The following PAXIP1 variants were observed in gnomAD, a reference collection of about 807,000 sequenced individuals.
The protein encoded by PAXIP1 is PAX-interacting protein 1.
A neutral mutation model predicts 140.6 loss-of-function variants in PAXIP1; 19 were observed. The ratio of observed to expected loss-of-function variants is 0.14; its 90% confidence interval spans 0.09 to 0.20. The LOEUF is 0.20. Among genes scored for constraint, PAXIP1 ranks in the 10% least tolerant of loss-of-function variants. PAXIP1 has a pLI of 1.00. For synonymous variants in PAXIP1, 442 were observed against 444.6 expected, an observed-to-expected ratio of 0.99 and a Z score of 0.07; for missense variants, 920 against 1,208.6, an observed-to-expected ratio of 0.76 and a Z score of 3.54.
intron 9 of PAXIP1, 158 bp from the exon 10 acceptor site, chr7:154,962,616 G>A (rs373943393): frequency 1.8e-6 from 1 of 568,140 alleles, no homozygotes; most frequent in Non-Finnish European, 3.0e-6. Context: ...AATTAAAACC[G>A]TGTAGCTGGT....
chr7:155,002,838 G>A lies in PAXIP1; in HGVS notation c.81+11C>T. On this transcript the variant is annotated intron_variant, in intron 1 of 20. Coordinates refer to ENST00000404141, the MANE Select transcript of PAXIP1 (RefSeq NM_007349.4). ...CGGGGGAGGAGGCCGCGGCAGGGGC[G>A]GGCGCGGTACCTGCGGGTCGATGTC... 7.4e-7 allele frequency: 1 copy of A among 1,359,550 alleles called. No individual in the cohort carries two copies. Among genetic ancestry groups the A allele is most frequent in the Non-Finnish European group, 9.7e-7 (1 of 1,031,894 alleles). 84.2% of individuals were successfully genotyped at this position (1,359,550 alleles called of 1,614,324 possible). A position where few individuals can be genotyped will look rare whatever the true frequency, so the allele number is the denominator to read the frequency against.
intron 2 of PAXIP1, among the ~76,000 whole-genome samples, chr7:154,998,095 G>A (rs1810722585): frequency 1.3e-5 from 2 of 152,168 alleles, no homozygotes; most frequent in African/African-American, 4.8e-5. Flanking sequence ...GATGGCCTAG[G>A]ATTACTTACG....
At chr7:154,996,776 A>G (rs746817592) in intron 2 of PAXIP1, among the ~76,000 whole-genome samples, 8 of 152,168 alleles carry the variant, frequency 5.3e-5, no homozygotes, top group Non-Finnish European at 8.8e-5. Context: ...CATATTTTAA[A>G]GGTTGGCTTA....
intron 2 of PAXIP1, among the ~76,000 whole-genome samples, chr7:154,994,386 A>G (rs1810480173): frequency 1.3e-5 from 2 of 152,158 alleles, no homozygotes; most frequent in South Asian, 4.1e-4. Flanking sequence ...GAAAATTACT[A>G]TCAAAATGTA....
intron 5 of PAXIP1, among the ~76,000 whole-genome samples, chr7:154,977,971 A>G (rs1356670416): frequency 1.4e-5 from 2 of 138,868 alleles, no homozygotes; most frequent in African/African-American, 5.3e-5. Context: ...TTTAATGTAC[A>G]TTTTCGAACG....
chr7:154,959,400 A>G (rs1808659882), intron 13 of PAXIP1, among the ~76,000 whole-genome samples: 1 of 152,236 alleles, frequency 6.6e-6, no homozygotes, highest in Non-Finnish European at 1.5e-5. Context: ...CTAAACTGAA[A>G]AATTATTGAA....
rs181125850 is a variant in PAXIP1 at position 154,986,474 on chromosome 7, T to C, written c.325-3142A>G. 2.6e-5 allele frequency among the ~76,000 whole-genome samples: 4 copies of C among 152,280 alleles called. No homozygotes were observed. The highest frequency in any genetic ancestry group is 9.6e-5 in the African/African-American group (4 of 41,558). ...TATGTTTACTGAGAGAGAAATCGCA[T>C]CTTAATTAATTTGTACCCCTCTGCA... On this transcript the variant is annotated intron_variant, in intron 4 of 20. Coordinates refer to ENST00000404141, the MANE Select transcript of PAXIP1 (RefSeq NM_007349.4). This position sits in a 1 kb window ranked among gnomAD's most constrained non-coding sequence, Gnocchi z 4.8.
chr7:154,979,653 A>AT (rs1809752462), intron 5 of PAXIP1, among the ~76,000 whole-genome samples: 1 of 142,640 alleles, frequency 7.0e-6, no homozygotes, highest in African/African-American at 2.6e-5. Context: ...ATATTATGTT[A>AT]ATTATAATGT....
At position 154,947,854 on chromosome 7, in the gene PAXIP1, C is replaced by T. The variant is rs375455292; in HGVS notation, c.2922+49G>A. On this transcript the variant is annotated intron_variant, in intron 17 of 20. Transcript: ENST00000404141. ...CACCTGGTAGTTCCCTTGAGCAGGT[C>T]CGTGTGTTATGCTTACTTGGACTGA... The T allele has an allele frequency of 5.0e-4, 652 of 1,295,408 alleles. 1 individual carries two copies. The highest frequency in any genetic ancestry group is 5.9e-4 in the Non-Finnish European group (526 of 889,130). 80.2% of individuals were successfully genotyped at this position (1,295,408 alleles called of 1,614,324 possible).
At position 154,963,790 on chromosome 7, in the gene PAXIP1, G is replaced by T. The variant is rs374620665; in HGVS notation, c.1894-24C>A. 1.7e-4 allele frequency: 258 copies of T among 1,527,938 alleles called. No individual in the cohort carries two copies. Among genetic ancestry groups the T allele is most frequent in the Non-Finnish European group, 2.3e-4 (250 of 1,104,176 alleles). 94.6% of individuals were successfully genotyped at this position (1,527,938 alleles called of 1,614,324 possible). On this transcript the variant is annotated intron_variant, in intron 8 of 20. Coordinates refer to ENST00000404141, the MANE Select transcript of PAXIP1 (RefSeq NM_007349.4). The surrounding 1 kb of genome is among the most constrained non-coding windows in gnomAD (Gnocchi z 4.1). ...ATCTACACACAAAGACCCGACCAAT[G>T]CAGTCATCAATCACTCAGAATAGAG...
intron 8 of PAXIP1, among the ~76,000 whole-genome samples, chr7:154,966,723 A>G (rs1809041145): frequency 2.0e-5 from 3 of 152,168 alleles, no homozygotes; most frequent in Non-Finnish European, 4.4e-5. Flanking sequence ...TCAGCCAGCC[A>G]CACAGTCATC....
chr7:154,962,270 G>C (rs1808787634), intron 10 of PAXIP1, 51 bp downstream of exon 10: 14 of 1,598,452 alleles, frequency 8.8e-6, no homozygotes, highest in Non-Finnish European at 1.2e-5. Context: ...GTGATTATTC[G>C]CCAAAGTCGA....
At chr7:154,966,786 CACTTCACCTGCATCTAA>C (rs1031138083) in intron 8 of PAXIP1, among the ~76,000 whole-genome samples, 45 of 152,168 alleles carry the variant, frequency 3.0e-4, no homozygotes, top group Non-Finnish European at 8.8e-5. Flanking sequence ...CACAGCTGAT[CACTTCACCTGCATCTAA>C]ACTTCACCAC....
At chr7:154,987,640 C>T (rs1448401419) in intron 4 of PAXIP1, among the ~76,000 whole-genome samples, 5 of 152,332 alleles carry the variant, frequency 3.3e-5, no homozygotes, top group East Asian at 3.9e-4. Context: ...CATCTCCCCT[C>T]GCCAATCAGG....
In PAXIP1 at chr7:154,963,529, T is replaced by C. The variant is rs372565279; in HGVS notation, c.1989+142A>G. The C allele has an allele frequency of 6.5e-6, 4 of 614,992 alleles. No individual in the cohort carries two copies. The highest frequency in any genetic ancestry group is 5.5e-5 in the African/African-American group (3 of 54,186). 38.1% of individuals were successfully genotyped at this position (614,992 alleles called of 1,614,324 possible). ...CAAAAGATATCAATCCCACCAAAGATTCGATCACAGGAAGAAGGAATTTTC... is the reference window on the plus strand; with the variant it reads ...CAAAAGATATCAATCCCACCAAAGACTCGATCACAGGAAGAAGGAATTTTC... On this transcript the variant is annotated intron_variant, in intron 9 of 20. Coordinates refer to ENST00000404141, the MANE Select transcript of PAXIP1 (RefSeq NM_007349.4). The surrounding 1 kb of genome is among the most constrained non-coding windows in gnomAD (Gnocchi z 4.1).
chr7:154,946,461 T>A lies in PAXIP1; in HGVS notation c.3134-36A>T. 1.9e-6 allele frequency: 3 copies of A among 1,610,254 alleles called. No homozygotes were observed. In the Admixed American group the frequency reaches 5.0e-5, roughly 27 times the overall value. The stretch of plus-strand genomic sequence containing the variant: ...TGGAAACAGACACTTTAGTTAGAGA[T>A]CCACTGCTGTGCGTGCACACATACT... On this transcript the variant is annotated intron_variant, in intron 19 of 20. Transcript: ENST00000404141. The surrounding 1 kb of genome is among the most constrained non-coding windows in gnomAD (Gnocchi z 4.9).
intron 10 of PAXIP1, among the ~76,000 whole-genome samples, chr7:154,961,889 G>GTTAC (rs1451868436): frequency 1.1e-4 from 17 of 152,202 alleles, no homozygotes; most frequent in Admixed American, 2.6e-4. Context: ...CCTTGTTTAT[G>GTTAC]TTACTGCAAC....
intron 5 of PAXIP1, among the ~76,000 whole-genome samples, chr7:154,980,358 G>A (rs890441791): frequency 5.9e-5 from 9 of 151,432 alleles, no homozygotes; most frequent in Admixed American, 2.6e-4. Context: ...TTTCGCAGCC[G>A]CTATATTGAT....
rs1206781845 is a variant in PAXIP1 at position 154,973,841 on chromosome 7, A to G, written c.1074+1855T>C. Reference sequence around the variant, plus strand: ...CTGGATCCGGCTTCAGGTTGTTCCTATATGCTACAGAGCCATTTTTCTGGG... The same window carrying G: ...CTGGATCCGGCTTCAGGTTGTTCCTGTATGCTACAGAGCCATTTTTCTGGG... On this transcript the variant is annotated intron_variant, in intron 6 of 20. Transcript: ENST00000404141. This position sits in a 1 kb window ranked among gnomAD's most constrained non-coding sequence, Gnocchi z 4.0. Among the ~76,000 whole-genome samples the G allele has an allele frequency of 6.6e-6, 1 of 152,122 alleles. No individual in the cohort carries two copies. Among genetic ancestry groups the G allele is most frequent in the Non-Finnish European group, 1.5e-5 (1 of 68,022 alleles).
Sources: allele counts gnomAD v4.1 joint callset (sites outside exome capture counted in the v4.1 genomes callset), GRCh38; gene constraint gnomAD v4.1.1; non-coding constraint Gnocchi (gnomAD v3.1); transcripts MANE v1.5; gene names NCBI Gene and HGNC (gene_info 2026-07-23, HGNC 2026-07-21).